COLGALT1: variants seen among roughly 807,000 people sequenced by gnomAD.
COLGALT1 encodes procollagen galactosyltransferase 1.
In COLGALT1, 43 loss-of-function variants were observed where a neutral mutation model predicts 60.8. That is an observed-to-expected ratio of 0.71 (90% confidence interval 0.55 to 0.91). The LOEUF (loss-of-function observed/expected upper bound fraction) is 0.91, where lower values mean the gene tolerates loss of function less well. Among genes scored for constraint, COLGALT1 ranks in the 40% least tolerant of loss-of-function variants. The pLI is 0.00. For synonymous variants in COLGALT1, 369 were observed against 374.2 expected, an observed-to-expected ratio of 0.99 and a Z score of 0.16; for missense variants, 845 against 880.0, an observed-to-expected ratio of 0.96 and a Z score of 0.50.
chr19:17,567,905 C>T lies in COLGALT1; in HGVS notation c.624+365C>T, dbSNP rs1431229501. On this transcript the variant is annotated intron_variant, in intron 4 of 11. Coordinates refer to ENST00000252599, the MANE Select transcript of COLGALT1 (RefSeq NM_024656.4). ...CGGAAGTTGCAGTGAGCCGAGATCA[C>T]GCCACTGCACTCCAGCCTGGGTGAC... Among the ~76,000 whole-genome samples, 5 of 151,972 alleles carry T rather than the reference C, an allele frequency of 3.3e-5. No individual in the cohort carries two copies. The East Asian group carries it at 5.8e-4, about 18-fold the overall frequency.
At chr19:17,574,741 G>A (rs2076331542) in intron 6 of COLGALT1, among the ~76,000 whole-genome samples, 1 of 152,102 alleles carries the variant, frequency 6.6e-6, no homozygotes, top group Non-Finnish European at 1.5e-5. Flanking sequence ...GGTCCCACCC[G>A]GCTACAGTTG....
intron 5 of COLGALT1, among the ~76,000 whole-genome samples, chr19:17,571,598 A>T (rs1164039294): frequency 6.8e-6 from 1 of 146,316 alleles, no homozygotes; most frequent in Non-Finnish European, 1.5e-5. Context: ...GGTGCCTGTA[A>T]TCCCAGCTAC....
At chr19:17,572,358 G>C in intron 5 of COLGALT1, 125 bp from the exon 6 acceptor site, 1 of 1,399,324 alleles carries the variant, frequency 7.1e-7, no homozygotes. Flanking sequence ...TGCCCAGGCT[G>C]GTCTCAGACA....
At chr19:17,572,415 A>T in intron 5 of COLGALT1, 68 bp from the exon 6 acceptor site, 1 of 1,607,582 alleles carries the variant, frequency 6.2e-7, no homozygotes, top group Non-Finnish European at 8.5e-7. Context: ...AAGCCGTGGG[A>T]TGGAAGGCAT....
At chr19:17,572,303 T>TAA (rs34738333) in intron 5 of COLGALT1, among the ~76,000 whole-genome samples, 180 bp from the exon 6 acceptor site, 45 of 144,592 alleles carry the variant, frequency 3.1e-4, no homozygotes, top group South Asian at 4.4e-4. Flanking sequence ...GACTCTGTCT[T>TAA]AAAAAAAAAA....
intron 3 of COLGALT1, among the ~76,000 whole-genome samples, chr19:17,561,841 T>A (rs1339451935): frequency 6.6e-6 from 1 of 152,102 alleles, no homozygotes; most frequent in Non-Finnish European, 1.5e-5. Flanking sequence ...AAATGTTATT[T>A]CAGCCTTCAT....
At chr19:17,570,603 T>C (rs2076307001) in intron 5 of COLGALT1, among the ~76,000 whole-genome samples, 1 of 152,090 alleles carries the variant, frequency 6.6e-6, no homozygotes, top group Non-Finnish European at 1.5e-5. Flanking sequence ...TCTCCCTCCG[T>C]TGCCCAGGCT....
At chr19:17,557,872 G>C (rs1258775124) in intron 1 of COLGALT1, among the ~76,000 whole-genome samples, 2 of 151,912 alleles carry the variant, frequency 1.3e-5, no homozygotes, top group Non-Finnish European at 2.9e-5. Flanking sequence ...AACATATTGG[G>C]ATTACAGGCG....
chr19:17,573,627 G>T (rs1447246659), intron 6 of COLGALT1, among the ~76,000 whole-genome samples: 2 of 152,210 alleles, frequency 1.3e-5, no homozygotes, highest in Non-Finnish European at 2.9e-5. Context: ...GAGCCCAGGA[G>T]TTGGAGGCCG....
chr19:17,571,383 G>A (rs1375437443), intron 5 of COLGALT1, among the ~76,000 whole-genome samples: 3 of 151,798 alleles, frequency 2.0e-5, no homozygotes. Flanking sequence ...AATCCAGCCT[G>A]GGCGACAGAG....
Position 17,568,549 on chromosome 19 carries a change from A to C in COLGALT1, c.665A>C (p.Lys222Thr), listed in dbSNP as rs554463318. ...ACACCTGCCTACATCCCTATCCGCAAGCGAGACCGCCGGGGCTGCTTTGCA... is the reference window on the plus strand; with the variant it reads ...ACACCTGCCTACATCCCTATCCGCACGCGAGACCGCCGGGGCTGCTTTGCA... ...KRTPAYIPIR[K>T]RDRRGCFAVP... Residue 222 changes from lysine (K) to threonine (T), a missense_variant, in exon 5 of 12, where the codon AAG becomes ACG. Coordinates refer to ENST00000252599, the MANE Select transcript of COLGALT1 (RefSeq NM_024656.4). 6.2e-7 allele frequency: 1 copy of C among 1,614,204 alleles called. No individual in the cohort carries two copies. Among genetic ancestry groups the C allele is most frequent in the Middle Eastern group, 1.6e-4 (1 of 6,062 alleles).
rs1301565179 is a variant in COLGALT1 at position 17,577,426 on chromosome 19, A to G, written c.1092A>G (p.Ala364=). 1.1e-5 allele frequency: 15 copies of G among 1,339,684 alleles called. No homozygotes were observed. Among genetic ancestry groups the G allele is most frequent in the Non-Finnish European group, 1.5e-5 (15 of 1,025,750 alleles). The allele number at this position is 1,339,684 out of a possible 1,614,324, so 83.0% of individuals were successfully genotyped here. The change falls in exon 8 of 12, where the codon GCA becomes GCG. Residue 364 remains alanine (A), a synonymous_variant. Transcript: ENST00000252599. ...RRERMLRALQ[A]QEIECRLVEA... ...AGCGCATGCTGCGGGCGCTGCAGGC[A>G]CAGGAGATCGAGTGCCGGCTGGTGG...
chr19:17,567,286 T>G, intron 3 of COLGALT1, 120 bp from the exon 4 acceptor site: 3 of 1,333,736 alleles, frequency 2.2e-6, no homozygotes, highest in Non-Finnish European at 2.1e-6. Context: ...TTTCATCCGG[T>G]GTAGGGGGTG....
Position 17,555,671 on chromosome 19 carries a change from A to C in COLGALT1, c.-43A>C. ...TATGACCCCTTTAAGGCGCGGCCAG[A>C]GTCCTCCCGCAGAAAAACGACTTAA... On this transcript the variant is annotated 5_prime_UTR_variant, in exon 1 of 12. Transcript: ENST00000252599. The C allele has an allele frequency of 8.5e-7, 1 of 1,175,512 alleles. No individual in the cohort carries two copies. Among genetic ancestry groups the C allele is most frequent in the Non-Finnish European group, 1.1e-6 (1 of 952,304 alleles). 72.8% of individuals were successfully genotyped at this position (1,175,512 alleles called of 1,614,324 possible).
chr19:17,562,816 C>T (rs952894479), intron 3 of COLGALT1, among the ~76,000 whole-genome samples: 1 of 152,138 alleles, frequency 6.6e-6, no homozygotes, highest in African/African-American at 2.4e-5. Flanking sequence ...TCTGCTTTGA[C>T]ACTGGATGTG....
chr19:17,579,470 T>C lies in COLGALT1; in HGVS notation c.1267-12T>C. 1 of 1,612,528 alleles carries C rather than the reference T, an allele frequency of 6.2e-7. No homozygotes were observed. Among genetic ancestry groups the C allele is most frequent in the Non-Finnish European group, 8.5e-7 (1 of 1,179,000 alleles). On this transcript the variant is annotated splice_polypyrimidine_tract_variant and intron_variant, in intron 9 of 11. Coordinates refer to ENST00000252599, the MANE Select transcript of COLGALT1 (RefSeq NM_024656.4). ...TGGCCTCCCTGTGATGTGGCGGGGC[T>C]TCCTCCCTCAGGTGGTGGACCGGGG...
intron 6 of COLGALT1, among the ~76,000 whole-genome samples, chr19:17,576,683 G>A (rs1467866226): frequency 6.6e-6 from 1 of 150,584 alleles, no homozygotes; most frequent in Non-Finnish European, 1.5e-5. Context: ...GGTGGGGCTG[G>A]GGGGGTGCAG....
rs2076286728 is a variant in COLGALT1 at position 17,567,536 on chromosome 19, C to T, written c.620C>T (p.Ser207Phe). The T allele has an allele frequency of 6.2e-7, 1 of 1,612,360 alleles. No individual in the cohort carries two copies. Among genetic ancestry groups the T allele is most frequent in the African/African-American group, 1.3e-5 (1 of 74,886 alleles). Residue 207 changes from serine to phenylalanine, a missense_variant, in exon 4 of 12, where the codon TCC becomes TTC. By Grantham distance (155) the Ser-to-Phe change is radical. Transcript: ENST00000252599. ...AYSNFWCGMT[S>F]QGYYKRTPAY... ...TCCAACTTCTGGTGTGGAATGACTT[C>T]CCAGGTAGAGTGAGGGCCTGGGGAC...
chr19:17,568,515 T>C lies in COLGALT1; in HGVS notation c.631T>C (p.Tyr211His), dbSNP rs1453055239. ...TCTCGCTCTCTCCCCACAGGGCTAC[T>C]ACAAGCGCACACCTGCCTACATCCC... ...FWCGMTSQGY[Y>H]KRTPAYIPIR... The change falls in exon 5 of 12, where the codon TAC becomes CAC. Residue 211 changes from tyrosine (Y) to histidine (H), a missense_variant. Tyr to His is a moderately conservative substitution (Grantham distance 83). Transcript: ENST00000252599. 6.2e-7 allele frequency: 1 copy of C among 1,614,050 alleles called. No individual in the cohort carries two copies. The highest frequency in any genetic ancestry group is 8.5e-7 in the Non-Finnish European group (1 of 1,179,942).
Sources: gnomAD v4.1 joint callset for allele counts (sites outside exome capture counted in the v4.1 genomes callset) on GRCh38, gnomAD v4.1.1 for gene constraint, MANE v1.5 for transcripts, NCBI Gene and HGNC (gene_info 2026-07-23, HGNC 2026-07-21) for gene names.